TNFSF4: variants seen among roughly 807,000 people sequenced by gnomAD.
The protein encoded by TNFSF4 is TNF superfamily member 4, also known as tumor necrosis factor ligand superfamily member 4.
TNFSF4 carries 4 observed loss-of-function variants against 7.3 expected under a neutral mutation model. That is an observed-to-expected ratio of 0.55 (90% CI 0.27 to 1.25). The LOEUF is 1.25. TNFSF4 is among the 50% of genes most tolerant of loss of function. The pLI, the probability that TNFSF4 is intolerant of heterozygous loss-of-function variation, is 0.12. For synonymous variants in TNFSF4, 76 were observed against 83.7 expected (o/e 0.91, Z 0.50); for missense variants, 181 against 208.8 (o/e 0.87, Z 0.82).
chr1:173,188,662 A>T (rs1649341487), intron 1 of TNFSF4, 93 bp from the exon 2 acceptor site: 2 of 1,025,218 alleles, frequency 2.0e-6, no homozygotes, highest in African/African-American at 3.2e-5. Context: ...GCAGAAATGC[A>T]GTAGCCTGTA....
chr1:173,420,804 A>G, the TNFSF4 span, among the ~76,000 whole-genome samples: 2 of 152,326 alleles, frequency 1.3e-5, no homozygotes, highest in African/African-American at 4.8e-5. Flanking sequence ...TCCTCAAATT[A>G]TTACTGTGTA....
chr1:173,354,734 A>C, the TNFSF4 span, among the ~76,000 whole-genome samples: 195 of 152,362 alleles, frequency 1.3e-3, no homozygotes, highest in African/African-American at 4.5e-3. Flanking sequence ...AAAATAAAAA[A>C]TAAAAAACTT....
chr1:173,255,271 G>T, the TNFSF4 span, among the ~76,000 whole-genome samples: 1 of 152,278 alleles, frequency 6.6e-6, no homozygotes, highest in Non-Finnish European at 1.5e-5. Flanking sequence ...TTACTTTAAT[G>T]CTCCCTAAAG....
chr1:173,299,158 A>G, the TNFSF4 span, among the ~76,000 whole-genome samples: 4 of 151,960 alleles, frequency 2.6e-5, no homozygotes, highest in African/African-American at 9.7e-5. Context: ...GCCAGATTCA[A>G]CAGCCCATAA....
the TNFSF4 span, among the ~76,000 whole-genome samples, chr1:173,424,311 A>C: frequency 2.6e-5 from 4 of 152,258 alleles, no homozygotes; most frequent in Admixed American, 2.0e-4. Context: ...CATAAAGATG[A>C]ATCAAACACA....
chr1:173,205,813 G>A (rs745362579), intron 1 of TNFSF4: 19 of 158,612 alleles, frequency 1.2e-4, no homozygotes, highest in Non-Finnish European at 2.3e-4. Flanking sequence ...AGAGTTCTGC[G>A]AGAAGACATA....
the TNFSF4 span, among the ~76,000 whole-genome samples, chr1:173,426,756 C>A: frequency 5.9e-5 from 9 of 152,102 alleles, no homozygotes; most frequent in Admixed American, 5.9e-4. Context: ...CCACACCCAG[C>A]AGATTTTTTC....
At chr1:173,440,278 G>A in the TNFSF4 span, among the ~76,000 whole-genome samples, 1 of 152,092 alleles carries the variant, frequency 6.6e-6, no homozygotes, top group Non-Finnish European at 1.5e-5. Flanking sequence ...TTGTTAATAT[G>A]GGTTTCACTT....
At chr1:173,436,785 T>C in the TNFSF4 span, among the ~76,000 whole-genome samples, 1 of 152,174 alleles carries the variant, frequency 6.6e-6, no homozygotes, top group East Asian at 1.9e-4. Context: ...AATACTGCCC[T>C]TAGAAATCTA....
At chr1:173,222,612 C>T in the TNFSF4 span, among the ~76,000 whole-genome samples, 10 of 152,280 alleles carry the variant, frequency 6.6e-5, no homozygotes, top group African/African-American at 2.4e-4. Flanking sequence ...AAGCAAAGTA[C>T]ATCCTAACAT....
the TNFSF4 span, among the ~76,000 whole-genome samples, chr1:173,434,116 A>G: frequency 6.6e-6 from 1 of 152,178 alleles, no homozygotes; most frequent in Non-Finnish European, 1.5e-5. Flanking sequence ...CTTTGTTCTC[A>G]CACCTCTAGC....
the TNFSF4 span, among the ~76,000 whole-genome samples, chr1:173,276,314 C>G: frequency 6.6e-6 from 1 of 152,104 alleles, no homozygotes; most frequent in Admixed American, 6.6e-5. Context: ...ACTCTCTAAG[C>G]TATAGGCTTC....
the TNFSF4 span, among the ~76,000 whole-genome samples, chr1:173,354,866 C>T: frequency 5.3e-5 from 8 of 152,162 alleles, no homozygotes; most frequent in Non-Finnish European, 8.8e-5. Context: ...AAATGATGCT[C>T]GATAAATACT....
At chr1:173,391,310 G>GTC in the TNFSF4 span, among the ~76,000 whole-genome samples, 4,608 of 132,328 alleles carry the variant, frequency 0.035, 139 homozygotes, top group South Asian at 0.084. Context: ...CTTTCTTTCT[G>GTC]TCTCTCTCTC....
chr1:173,370,345 G>A, the TNFSF4 span, among the ~76,000 whole-genome samples: 9 of 152,292 alleles, frequency 5.9e-5, no homozygotes, highest in South Asian at 2.1e-4. Flanking sequence ...CCGAAGAAAG[G>A]GGAGAATTCT....
intron 1 of TNFSF4, among the ~76,000 whole-genome samples, chr1:173,192,414 G>C (rs1412322941): frequency 6.6e-6 from 1 of 152,130 alleles, no homozygotes. Context: ...GCTATGAAAA[G>C]ACATGGAGGA....
At chr1:173,382,931 A>G in the TNFSF4 span, among the ~76,000 whole-genome samples, 5 of 152,116 alleles carry the variant, frequency 3.3e-5, no homozygotes, top group African/African-American at 1.2e-4. Context: ...AAAACTAAGA[A>G]GTGAGCAGCT....
At chr1:173,303,395 C>G in the TNFSF4 span, among the ~76,000 whole-genome samples, 23 of 151,982 alleles carry the variant, frequency 1.5e-4, 1 homozygote, top group African/African-American at 4.6e-4. Context: ...ACTTTCCCCC[C>G]ACCTCCCTCT....
the TNFSF4 span, among the ~76,000 whole-genome samples, chr1:173,219,686 AC>A: frequency 1.3e-5 from 2 of 152,110 alleles, no homozygotes; most frequent in Non-Finnish European, 2.9e-5. Context: ...ACACACACAC[AC>A]ACACACACAC....
Sources: gnomAD v4.1 joint callset for allele counts (sites outside exome capture counted in the v4.1 genomes callset) on GRCh38, gnomAD v4.1.1 for gene constraint, MANE v1.5 for transcripts, NCBI Gene and HGNC (gene_info 2026-07-23, HGNC 2026-07-21) for gene names.